The following KCNQ1 variants were observed in gnomAD, a reference collection of about 807,000 sequenced individuals.
KCNQ1 encodes potassium voltage-gated channel subfamily KQT member 1.
Under a neutral mutation model 72.4 loss-of-function variants are expected in KCNQ1, and 49 were observed. The observed-to-expected ratio is 0.68, with a 90% CI of 0.54 to 0.86. The LOEUF is 0.86. Ranked by LOEUF, KCNQ1 falls within the 40% of genes least tolerant of loss-of-function variation. The probability of loss-of-function intolerance (pLI) is 0.00; values close to 1 mark genes in which losing one functional copy is unlikely to be tolerated. For synonymous variants in KCNQ1, 450 were observed against 412.6 expected (o/e 1.09, Z -1.10); for missense variants, 790 against 945.1 (o/e 0.84, Z 2.15).
At position 2,601,861 on chromosome 11, in the gene KCNQ1, A is replaced by G. The variant is rs557655287; in HGVS notation, c.1393+13007A>G. ...TCATTCCCAGTTTGGGCTATTACAA[A>G]TCAGAGTAGGCTGAACAATGGCCCC... is the stretch of plus-strand genomic sequence containing the variant. On this transcript the variant is annotated intron_variant, in intron 10 of 15. Transcript: ENST00000155840. The surrounding 1 kb of genome is among the most constrained non-coding windows in gnomAD (Gnocchi z 5.2). Among the ~76,000 whole-genome samples the G allele has an allele frequency of 2.6e-5, 4 of 152,284 alleles. No homozygotes were observed. In the South Asian group the frequency reaches 6.2e-4, roughly 24 times the overall value.
Position 2,768,762 on chromosome 11 carries a change from C to T in KCNQ1, c.1515-82C>T, listed in dbSNP as rs1378291848. ...TTTCTGGAAGGATCCAGTCTGCGTG[C>T]TCCTCAGGCAGTGCAGGGGCAGTGA... On this transcript the variant is annotated intron_variant, in intron 11 of 15. Coordinates refer to ENST00000155840, the MANE Select transcript of KCNQ1 (RefSeq NM_000218.3). This position sits in a 1 kb window ranked among gnomAD's most constrained non-coding sequence, Gnocchi z 6.7. 2.9e-6 allele frequency: 3 copies of T among 1,032,050 alleles called. No individual in the cohort carries two copies. Among genetic ancestry groups the T allele is most frequent in the Non-Finnish European group, 4.6e-6 (3 of 649,568 alleles). The allele number at this position is 1,032,050 out of a possible 1,614,324, so 63.9% of individuals were successfully genotyped here.
intron 2 of KCNQ1, among the ~76,000 whole-genome samples, chr11:2,535,196 G>C (rs149831857): frequency 2.0e-5 from 3 of 152,342 alleles, no homozygotes; most frequent in Admixed American, 2.0e-4. Context: ...GTGAAAGGAC[G>C]CTAGACACTG....
At chr11:2,680,831 T>C in intron 11 of KCNQ1, 1 of 398,572 alleles carries the variant, frequency 2.5e-6, no homozygotes. Context: ...ATCACCTTTT[T>C]GGGATCGGCT....
intron 11 of KCNQ1, among the ~76,000 whole-genome samples, chr11:2,731,581 G>A (rs529627581): frequency 5.9e-5 from 9 of 152,252 alleles, no homozygotes; most frequent in Non-Finnish European, 8.8e-5. Flanking sequence ...AGTCCCCTTC[G>A]CTGCTTGAGG....
chr11:2,631,918 C>T (rs1024687674), intron 10 of KCNQ1: 14 of 397,458 alleles, frequency 3.5e-5, no homozygotes, highest in Non-Finnish European at 6.2e-5. Context: ...CGCAGTGGCT[C>T]ACGCCTGTAA....
At position 2,583,545 on chromosome 11, in the gene KCNQ1, G is replaced by A. The variant is rs1800171; in HGVS notation, c.1032G>A (p.Ala344=). The A allele has an allele frequency of 1.2e-6, 2 of 1,609,160 alleles. No homozygotes were observed. Among genetic ancestry groups the A allele is most frequent in the Non-Finnish European group, 1.7e-6 (2 of 1,175,668 alleles). The change falls in exon 7 of 16, where the codon GCG becomes GCA. Residue 344 remains alanine, a splice_region_variant and synonymous_variant. Coordinates refer to ENST00000155840, the MANE Select transcript of KCNQ1 (RefSeq NM_000218.3). ...VFAISFFALP[A]GILGSGFALK... ...CCATCTCCTTCTTTGCGCTCCCAGC[G>A]GTAGGTGCCCCGTGGGTGCGTTTTC...
chr11:2,821,781 C>T (rs572269425), intron 15 of KCNQ1, among the ~76,000 whole-genome samples: 1 of 152,272 alleles, frequency 6.6e-6, no homozygotes, highest in East Asian at 1.9e-4. Flanking sequence ...TTAAAGGGTG[C>T]ATCTTCCAAG....
rs1846135737 is a variant in KCNQ1 at position 2,746,123 on chromosome 11, C to T, written c.1515-22721C>T. ...CAGGCTGATCTCGAACTCCTGGCCT[C>T]AAGTGATCCATCCGCCTCGGCCTCC... On this transcript the variant is annotated intron_variant, in intron 11 of 15. Coordinates refer to ENST00000155840, the MANE Select transcript of KCNQ1 (RefSeq NM_000218.3). The surrounding 1 kb of genome is among the most constrained non-coding windows in gnomAD (Gnocchi z 5.9). Among the ~76,000 whole-genome samples, 1 of 152,336 alleles carries T rather than the reference C, an allele frequency of 6.6e-6. No individual in the cohort carries two copies. Among genetic ancestry groups the T allele is most frequent in the East Asian group, 1.9e-4 (1 of 5,182 alleles).
rs397508107 is a variant in KCNQ1, at chr11:2,445,299, GGCCGCGCCC to G, written c.211_219del (p.Ala71_Pro73del). 14 of 1,415,278 alleles carry G rather than the reference GGCCGCGCCC, an allele frequency of 9.9e-6. No individual in the cohort carries two copies. Among genetic ancestry groups the G allele is most frequent in the South Asian group, 1.5e-5 (1 of 65,452 alleles). 87.7% of individuals were successfully genotyped at this position (1,415,278 alleles called of 1,614,324 possible). On this transcript the variant is annotated inframe_deletion, in exon 1 of 16. Coordinates refer to ENST00000155840, the MANE Select transcript of KCNQ1 (RefSeq NM_000218.3). ...CAGGTCCCGCGCCCCCTGCGTCCCC[GGCCGCGCCC>G]GCCGCGCCCCCAGTTGCCTCCGACC... is the stretch of plus-strand genomic sequence containing the variant.
intron 2 of KCNQ1, among the ~76,000 whole-genome samples, chr11:2,548,865 C>T (rs963425584): frequency 1.3e-5 from 2 of 152,184 alleles, no homozygotes; most frequent in East Asian, 1.9e-4. Context: ...AGGAGAAGTT[C>T]GCCATTGTCG....
At chr11:2,693,528 C>T (rs533497180) in intron 11 of KCNQ1, 14 of 398,664 alleles carry the variant, frequency 3.5e-5, no homozygotes, top group Non-Finnish European at 6.2e-5. Context: ...GGCTGAGGCC[C>T]GGGCTGCTAG....
At position 2,572,882 on chromosome 11, in the gene KCNQ1, C is replaced by G. The variant is rs120074180; in HGVS notation, c.817C>G (p.Leu273Val). The G allele has an allele frequency of 1.2e-6, 2 of 1,613,700 alleles. No individual in the cohort carries two copies. Among genetic ancestry groups the G allele is most frequent in the Non-Finnish European group, 1.7e-6 (2 of 1,180,024 alleles). The change falls in exon 6 of 16, where the codon CTC becomes GTC. Residue 273 changes from leucine (L) to valine (V), a missense_variant. This residue lies in a region of KCNQ1 where 133 missense variants were observed against 219.5 expected (regional missense o/e 0.61). Coordinates refer to ENST00000155840, the MANE Select transcript of KCNQ1 (RefSeq NM_000218.3). Reference protein sequence around the residue: ...ITTLYIGFLGLIFSSYFVYLA... With the variant: ...ITTLYIGFLGVIFSSYFVYLA... ...CACCCTGTACATCGGCTTCCTGGGC[C>G]TCATCTTCTCCTCGTACTTTGTGTA... is the stretch of plus-strand genomic sequence containing the variant.
Position 2,471,120 on chromosome 11 carries a change from T to C in KCNQ1, c.386+25636T>C, listed in dbSNP as rs1210423965. Reference sequence around the variant, plus strand: ...TTCTACCCGCCCTCACCACCCTGTATCAACTCATCTCATCGATATCTCCCA... The same window carrying C: ...TTCTACCCGCCCTCACCACCCTGTACCAACTCATCTCATCGATATCTCCCA... On this transcript the variant is annotated intron_variant, in intron 1 of 15. Transcript: ENST00000155840. This position sits in a 1 kb window ranked among gnomAD's most constrained non-coding sequence, Gnocchi z 4.8. Among the ~76,000 whole-genome samples the C allele has an allele frequency of 6.6e-6, 1 of 151,516 alleles. No individual in the cohort carries two copies. The highest frequency in any genetic ancestry group is 1.5e-5 in the Non-Finnish European group (1 of 67,868).
At chr11:2,646,362 A>G (rs896066140) in intron 10 of KCNQ1, 1 of 398,620 alleles carries the variant, frequency 2.5e-6, no homozygotes, top group Non-Finnish European at 4.4e-6. Flanking sequence ...AAAATTTTGT[A>G]GCCTCTTCAA....
At chr11:2,747,439 G>A (rs557089837) in intron 11 of KCNQ1, among the ~76,000 whole-genome samples, 1 of 152,294 alleles carries the variant, frequency 6.6e-6, no homozygotes, top group African/African-American at 2.4e-5. Context: ...TCTGCCCAGC[G>A]GTGCAGCCTT....
chr11:2,499,526 G>C (rs4930116), intron 1 of KCNQ1, among the ~76,000 whole-genome samples: 10,085 of 56,458 alleles, frequency 0.18, 493 homozygotes, highest in Non-Finnish European at 0.22. Flanking sequence ...ATGGACCCCT[G>C]CCCCCACAAA....
At chr11:2,793,245 G>T (rs968614045) in intron 15 of KCNQ1, among the ~76,000 whole-genome samples, 3 of 152,234 alleles carry the variant, frequency 2.0e-5, no homozygotes, top group African/African-American at 7.2e-5. Flanking sequence ...TTACTGAGAG[G>T]GACCATATCC....
rs888156437 is a variant in KCNQ1, at chr11:2,497,996, T to G, written c.387-29932T>G. ...ACCCTGTTTGCCTGGGTATCACCAG[T>G]GGAGGCTGCAGAACAGCAAAGATTG... On this transcript the variant is annotated intron_variant, in intron 1 of 15. Transcript: ENST00000155840. The surrounding 1 kb of genome is among the most constrained non-coding windows in gnomAD (Gnocchi z 4.5). 6.6e-6 allele frequency among the ~76,000 whole-genome samples: 1 copy of G among 152,202 alleles called. No individual in the cohort carries two copies. The highest frequency in any genetic ancestry group is 6.5e-5 in the Admixed American group (1 of 15,276).
At chr11:2,838,305 A>G (rs1199716320) in intron 15 of KCNQ1, among the ~76,000 whole-genome samples, 2 of 152,098 alleles carry the variant, frequency 1.3e-5, no homozygotes, top group Non-Finnish European at 2.9e-5. Flanking sequence ...AACGGCATGC[A>G]GAAAGAAGGA....
Sources: gnomAD v4.1 joint callset for allele counts (sites outside exome capture counted in the v4.1 genomes callset) on GRCh38, gnomAD v4.1.1 for gene constraint, gnomAD v4.1.1 regional missense constraint, Gnocchi (gnomAD v3.1) non-coding constraint, MANE v1.5 for transcripts, NCBI Gene and HGNC (gene_info 2026-07-23, HGNC 2026-07-21) for gene names.